Variants in NUP188 observed in about 807,000 individuals in gnomAD.
The protein encoded by NUP188 is nucleoporin NUP188.
A neutral mutation model predicts 223.0 loss-of-function variants in NUP188; 97 were observed. The ratio of observed to expected loss-of-function variants is 0.43; its 90% CI spans 0.37 to 0.51. NUP188 has a LOEUF of 0.51. Among genes scored for constraint, NUP188 ranks in the 20% least tolerant of loss-of-function variants. The pLI, the probability that NUP188 is intolerant of heterozygous loss-of-function variation, is 0.00. For synonymous variants in NUP188, 869 were observed against 828.0 expected, an observed-to-expected ratio of 1.05 and a Z score of -0.85; for missense variants, 1,947 against 2,175.6, an observed-to-expected ratio of 0.89 and a Z score of 2.09.
At chr9:128,966,288 T>TTGTG (rs980607915) in intron 8 of NUP188, among the ~76,000 whole-genome samples, 1 of 136,852 alleles carries the variant, frequency 7.3e-6, no homozygotes, top group Non-Finnish European at 1.6e-5. Flanking sequence ...GTGTGTGTGT[T>TTGTG]TGTGTGTGTG....
intron 33 of NUP188, 33 bp downstream of exon 33, chr9:128,999,350 C>T: frequency 6.2e-7 from 1 of 1,608,234 alleles, no homozygotes; most frequent in African/African-American, 1.3e-5. Flanking sequence ...GCAGCAGCTG[C>T]AGTCTGCCCA....
intron 8 of NUP188, among the ~76,000 whole-genome samples, chr9:128,966,090 C>T (rs1440963225): frequency 4.6e-5 from 7 of 151,688 alleles, no homozygotes; most frequent in Admixed American, 1.3e-4. Context: ...CCACCGCGCC[C>T]GGACTCTCTC....
At chr9:129,001,765 T>C (rs1842673952) in intron 35 of NUP188, 36 bp downstream of exon 35, 2 of 1,607,786 alleles carry the variant, frequency 1.2e-6, no homozygotes, top group African/African-American at 2.7e-5. Flanking sequence ...GGGAGCGTCC[T>C]TGCTTGCCTG....
At chr9:128,974,512 T>C (rs1489844624) in intron 12 of NUP188, among the ~76,000 whole-genome samples, 1 of 150,766 alleles carries the variant, frequency 6.6e-6, no homozygotes, top group African/African-American at 2.4e-5. Context: ...AGGTGTGAGC[T>C]ATGGCACCTA....
intron 1 of NUP188, chr9:128,948,087 C>T (rs925916896): frequency 4.0e-6 from 1 of 249,802 alleles, no homozygotes; most frequent in Non-Finnish European, 7.6e-6. Context: ...GTGACGCTCC[C>T]TCGAGCCACG....
At chr9:128,952,961 T>C in intron 3 of NUP188, 115 bp downstream of exon 3, 1 of 824,006 alleles carries the variant, frequency 1.2e-6, no homozygotes, top group South Asian at 1.6e-5. Flanking sequence ...CCAGAGATAA[T>C]ACAATTTAGT....
intron 5 of NUP188, among the ~76,000 whole-genome samples, chr9:128,957,697 C>A (rs1339677051): frequency 6.6e-6 from 1 of 152,102 alleles, no homozygotes; most frequent in East Asian, 1.9e-4. Flanking sequence ...ATCTCCTGAC[C>A]TCGTGATCCC....
chr9:128,984,662 A>G (rs1322844593), intron 19 of NUP188, among the ~76,000 whole-genome samples: 2 of 152,198 alleles, frequency 1.3e-5, no homozygotes, highest in African/African-American at 4.8e-5. Context: ...TCTCTTGACA[A>G]AAATGTTTCC....
chr9:128,976,008 A>G (rs1348852988), intron 12 of NUP188, among the ~76,000 whole-genome samples: 3 of 151,796 alleles, frequency 2.0e-5, no homozygotes, highest in African/African-American at 7.3e-5. Flanking sequence ...ATTTTAGTAG[A>G]GACAGTGTTT....
At chr9:128,992,974 A>C in intron 25 of NUP188, 1 of 551,056 alleles carries the variant, frequency 1.8e-6, no homozygotes, top group South Asian at 2.2e-5. Flanking sequence ...TTATTTAACC[A>C]TGAGGGAAGT....
Position 128,969,390 on chromosome 9 carries a change from T to C in NUP188, c.798-10T>C. 6.5e-7 allele frequency: 1 copy of C among 1,546,268 alleles called. No homozygotes were observed. Among genetic ancestry groups the C allele is most frequent in the South Asian group, 1.1e-5 (1 of 89,414 alleles). On this transcript the variant is annotated splice_polypyrimidine_tract_variant and intron_variant, in intron 9 of 43. Transcript: ENST00000372577. ...GATATATAACATGGTGATACTATTTTTCTTTCTAGCTACTTCAGTGCCCTC... is the reference window on the plus strand; with the variant it reads ...GATATATAACATGGTGATACTATTTCTCTTTCTAGCTACTTCAGTGCCCTC...
Position 128,981,379 on chromosome 9 carries a change from T to C in NUP188, c.1505T>C (p.Leu502Pro), listed in dbSNP as rs1374317368. Residue 502 changes from leucine to proline, a missense_variant, in exon 15 of 44, where the codon CTT (leucine) becomes CCT (proline). Around this residue, in one of 3 missense-constraint regions of NUP188, gnomAD observed 817 missense variants for 865.8 expected, o/e 0.94. Coordinates refer to ENST00000372577, the MANE Select transcript of NUP188 (RefSeq NM_015354.3). Reference sequence around the variant, plus strand: ...TGGCGGAGACAAACACCCAAACTCCTTTATCCCCTTGGTGAGATAAAGAGA... The same window carrying C: ...TGGCGGAGACAAACACCCAAACTCCCTTATCCCCTTGGTGAGATAAAGAGA... ...TLWRRQTPKL[L>P]YPLGGQTNLR... 6.2e-7 allele frequency: 1 copy of C among 1,612,844 alleles called. No homozygotes were observed. The highest frequency in any genetic ancestry group is 1.3e-5 in the African/African-American group (1 of 74,802).
intron 1 of NUP188, 167 bp downstream of exon 1, chr9:128,947,918 G>T: frequency 2.0e-6 from 1 of 512,384 alleles, no homozygotes; most frequent in Non-Finnish European, 3.1e-6. Flanking sequence ...CGGTCCCCGC[G>T]CGCGGGGATC....
intron 30 of NUP188, among the ~76,000 whole-genome samples, chr9:128,997,063 G>C (rs535983211): frequency 6.6e-6 from 1 of 152,192 alleles, no homozygotes; most frequent in Non-Finnish European, 1.5e-5. Flanking sequence ...TAATTAAAGT[G>C]CTGTGGTAAT....
At chr9:128,971,474 AGTGGCACGATCTTGGCTCACTGC>A (rs1437267657) in intron 11 of NUP188, among the ~76,000 whole-genome samples, 1 of 152,198 alleles carries the variant, frequency 6.6e-6, no homozygotes, top group Non-Finnish European at 1.5e-5. Context: ...GCTGGAGTGC[AGTGGCACGATCTTGGCTCACTGC>A]AACCTCTGCC....
chr9:128,975,787 G>C (rs1016905773), intron 12 of NUP188, among the ~76,000 whole-genome samples: 10 of 151,546 alleles, frequency 6.6e-5, no homozygotes, highest in Non-Finnish European at 1.3e-4. Flanking sequence ...CAAAGTGCTG[G>C]GATTACAGGC....
chr9:128,953,546 CT>C (rs1177339115), intron 3 of NUP188, among the ~76,000 whole-genome samples: 1 of 152,140 alleles, frequency 6.6e-6, no homozygotes, highest in Non-Finnish European at 1.5e-5. Context: ...TAACGATGAA[CT>C]TTTCCTTGTT....
chr9:128,985,750 G>A (rs1365829869), intron 20 of NUP188, among the ~76,000 whole-genome samples: 2 of 152,186 alleles, frequency 1.3e-5, no homozygotes, highest in African/African-American at 2.4e-5. Context: ...AGAAATGATT[G>A]TAGGCTGGGT....
chr9:128,975,369 G>T (rs374271625), intron 12 of NUP188, among the ~76,000 whole-genome samples: 1 of 150,920 alleles, frequency 6.6e-6, no homozygotes, highest in Non-Finnish European at 1.5e-5. Flanking sequence ...GACAACAGGC[G>T]CCTGCCACCA....
Sources: allele counts gnomAD v4.1 joint callset (sites outside exome capture counted in the v4.1 genomes callset), GRCh38; gene constraint gnomAD v4.1.1; regional missense constraint gnomAD v4.1.1; transcripts MANE v1.5; gene names NCBI Gene and HGNC (gene_info 2026-07-23, HGNC 2026-07-21).